The following SSH2 variants were observed in gnomAD, a reference collection of about 807,000 sequenced individuals.
The protein encoded by SSH2 is slingshot protein phosphatase 2.
In SSH2, 37 loss-of-function variants were observed where a neutral mutation model predicts 135.2. That is an observed-to-expected ratio of 0.27 (90% CI 0.21 to 0.36). SSH2 has a LOEUF of 0.36. Ranked by LOEUF, SSH2 falls within the 10% of genes least tolerant of loss-of-function variation. The probability of loss-of-function intolerance (pLI) is 1.00; values close to 1 mark genes in which losing one functional copy is unlikely to be tolerated. For synonymous variants in SSH2, 628 were observed against 646.2 expected, an observed-to-expected ratio of 0.97 and a Z score of 0.43; for missense variants, 1,408 against 1,765.3, an observed-to-expected ratio of 0.80 and a Z score of 3.63.
rs1473132193 is a variant in SSH2 at position 29,877,743 on chromosome 17, G to T, written c.64-28814C>A. Among the ~76,000 whole-genome samples, 5 of 149,770 alleles carry T rather than the reference G, an allele frequency of 3.3e-5. No homozygotes were observed. In the South Asian group the frequency reaches 1.1e-3, roughly 32 times the overall value. Reference sequence around the variant, plus strand: ...GAGAAGAGTAGTAGAGGGGTGAAGGGGAGGTAGGGATGGTTAATGGGTACC... The same window carrying T: ...GAGAAGAGTAGTAGAGGGGTGAAGGTGAGGTAGGGATGGTTAATGGGTACC... On this transcript the variant is annotated intron_variant, in intron 1 of 15. Coordinates refer to ENST00000540801, the MANE Select transcript of SSH2 (RefSeq NM_001282129.2).
intron 1 of SSH2, chr17:29,928,536 C>T (rs1641003236): frequency 5.0e-6 from 2 of 398,540 alleles, no homozygotes; most frequent in Middle Eastern, 6.3e-4. Context: ...TTCTTCCTTA[C>T]AATCACTGGA....
Position 29,635,952 on chromosome 17 carries a change from T to C in SSH2, c.2262+16A>G. On this transcript the variant is annotated intron_variant, in intron 15 of 15. Coordinates refer to ENST00000540801, the MANE Select transcript of SSH2 (RefSeq NM_001282129.2). ...GAGAACTTCATTAGGCGGAAAACTA[T>C]AAAGACAGTTTTTACCTTTGACTGT... 1 of 1,573,684 alleles carries C rather than the reference T, an allele frequency of 6.4e-7. No individual in the cohort carries two copies. Among genetic ancestry groups the C allele is most frequent in the African/African-American group, 1.4e-5 (1 of 73,666 alleles).
intron 3 of SSH2, among the ~76,000 whole-genome samples, chr17:29,728,985 C>A (rs1324143786): frequency 1.3e-5 from 2 of 152,102 alleles, no homozygotes; most frequent in Non-Finnish European, 2.9e-5. Flanking sequence ...TTGAACTGGG[C>A]AAATATTTCT....
intron 5 of SSH2, among the ~76,000 whole-genome samples, chr17:29,691,189 A>T (rs914000559): frequency 6.6e-6 from 1 of 152,176 alleles, no homozygotes; most frequent in African/African-American, 2.4e-5. Context: ...AAAATCATAA[A>T]ACTTCTCATT....
intron 3 of SSH2, among the ~76,000 whole-genome samples, chr17:29,738,855 C>A (rs1377922038): frequency 6.6e-6 from 1 of 152,208 alleles, no homozygotes; most frequent in Non-Finnish European, 1.5e-5. Context: ...CGCCCGGCCT[C>A]TGCGGCTTAA....
At chr17:29,876,788 T>C (rs2066040988) in intron 1 of SSH2, among the ~76,000 whole-genome samples, 1 of 151,620 alleles carries the variant, frequency 6.6e-6, no homozygotes, top group Non-Finnish European at 1.5e-5. Flanking sequence ...TTGGGAGAAC[T>C]CTCCAGGACA....
intron 2 of SSH2, among the ~76,000 whole-genome samples, chr17:29,800,572 T>C (rs1365378612): frequency 1.3e-5 from 2 of 152,158 alleles, no homozygotes; most frequent in Non-Finnish European, 2.9e-5. Flanking sequence ...CAGCTCTTAG[T>C]TTCTTAGTGA....
At chr17:29,692,017 G>A (rs1344947791) in intron 5 of SSH2, among the ~76,000 whole-genome samples, 2 of 151,556 alleles carry the variant, frequency 1.3e-5, no homozygotes, top group African/African-American at 4.8e-5. Flanking sequence ...GCATGGGCCT[G>A]TAATCCCAGC....
chr17:29,766,911 T>G (rs936494696), intron 3 of SSH2, among the ~76,000 whole-genome samples: 1 of 152,176 alleles, frequency 6.6e-6, no homozygotes, highest in Non-Finnish European at 1.5e-5. Context: ...AGAGGTATCT[T>G]ACTACACTTA....
chr17:29,639,215 A>G (rs1265281502), intron 14 of SSH2, among the ~76,000 whole-genome samples: 1 of 152,144 alleles, frequency 6.6e-6, no homozygotes, highest in Non-Finnish European at 1.5e-5. Flanking sequence ...TGAGGTAGGG[A>G]GGAGATTTCA....
At chr17:29,849,510 G>A (rs1348016878) in intron 1 of SSH2, among the ~76,000 whole-genome samples, 1 of 150,406 alleles carries the variant, frequency 6.6e-6, no homozygotes, top group African/African-American at 2.4e-5. Context: ...AGATGGTGCT[G>A]CTAATCCTTT....
At chr17:29,775,323 C>G (rs2041675864) in intron 3 of SSH2, among the ~76,000 whole-genome samples, 3 of 145,596 alleles carry the variant, frequency 2.1e-5, no homozygotes, top group Admixed American at 1.4e-4. Context: ...GGGTCTGGCT[C>G]TAGCGCCCAT....
intron 5 of SSH2, among the ~76,000 whole-genome samples, chr17:29,693,062 C>T (rs2038557605): frequency 6.6e-6 from 1 of 152,064 alleles, no homozygotes; most frequent in Non-Finnish European, 1.5e-5. Context: ...CAGGCTCAAG[C>T]AATACTCCCA....
rs553731190 is a variant in SSH2 at position 29,814,423 on chromosome 17, A to G, written c.145-20486T>C. Among the ~76,000 whole-genome samples, 34 of 113,408 alleles carry G rather than the reference A, an allele frequency of 3.0e-4. No homozygotes were observed. In the East Asian group the frequency reaches 7.6e-3, roughly 25 times the overall value. 74.4% of individuals were successfully genotyped at this position (113,408 alleles called of 152,430 possible). A position where few individuals can be genotyped will look rare whatever the true frequency, so the allele number is the denominator to read the frequency against. ...ACTCCAGCCTGGGCGACAGAGCAAG[A>G]CTCTGTCTCAAAAAAAAAAAAAAAA... On this transcript the variant is annotated intron_variant, in intron 2 of 15. Transcript: ENST00000540801.
chr17:29,803,790 C>G (rs906600138), intron 2 of SSH2, among the ~76,000 whole-genome samples: 3 of 152,232 alleles, frequency 2.0e-5, no homozygotes, highest in African/African-American at 7.2e-5. Flanking sequence ...GAGGGCAAAG[C>G]AGCTAACTCT....
At chr17:29,718,403 C>G (rs1304762294) in intron 3 of SSH2, among the ~76,000 whole-genome samples, 1 of 152,120 alleles carries the variant, frequency 6.6e-6, no homozygotes, top group Non-Finnish European at 1.5e-5. Flanking sequence ...TGATGCATAG[C>G]AAATTATCCT....
chr17:29,643,283 A>C (rs1598704999), intron 14 of SSH2: 4 of 985,196 alleles, frequency 4.1e-6, no homozygotes, highest in Non-Finnish European at 4.8e-6. Context: ...TAGATTGCAG[A>C]CCCTAACAGC....
rs9907016 is a variant in SSH2, at chr17:29,636,919, A to G, written c.1428-117T>C. On this transcript the variant is annotated intron_variant, in intron 14 of 15. Coordinates refer to ENST00000540801, the MANE Select transcript of SSH2 (RefSeq NM_001282129.2). ...TGTAAAAATGCTTTGTTATTGCTCA[A>G]TGGAACTAGGCAATAAACGTTTGAA... 1.5e-3 allele frequency: 1,089 copies of G among 731,852 alleles called. 6 individuals are homozygous for G. The African/African-American group carries it at 0.018, about 12-fold the overall frequency. 45.3% of individuals were successfully genotyped at this position (731,852 alleles called of 1,614,324 possible).
At chr17:29,792,312 G>A (rs1175821527) in intron 3 of SSH2, among the ~76,000 whole-genome samples, 5 of 152,048 alleles carry the variant, frequency 3.3e-5, no homozygotes, top group Non-Finnish European at 4.4e-5. Flanking sequence ...TGGATATTGA[G>A]TCAATATATA....
Sources: allele counts gnomAD v4.1 joint callset (sites outside exome capture counted in the v4.1 genomes callset), GRCh38; gene constraint gnomAD v4.1.1; transcripts MANE v1.5; gene names NCBI Gene and HGNC (gene_info 2026-07-23, HGNC 2026-07-21).